Variants in SGCZ observed in about 807,000 individuals in gnomAD.
The protein encoded by SGCZ is zeta-sarcoglycan.
Under a neutral mutation model 41.3 loss-of-function variants are expected in SGCZ, and 40 were observed. The ratio of observed to expected loss-of-function variants is 0.97; its 90% CI spans 0.75 to 1.26. SGCZ has a LOEUF of 1.26. SGCZ is among the 50% of genes most tolerant of loss of function. SGCZ has a pLI of 0.00. For synonymous variants in SGCZ, 206 were observed against 137.5 expected (o/e 1.50, Z -3.49); for missense variants, 552 against 369.8 (o/e 1.49, Z -4.04).
intron 1 of SGCZ, among the ~76,000 whole-genome samples, chr8:15,148,736 G>A (rs899171106): frequency 9.2e-5 from 14 of 152,160 alleles, no homozygotes; most frequent in African/African-American, 2.9e-4. Context: ...CTGGATGCTT[G>A]ACTTATAACT....
chr8:14,750,151 G>C (rs1799454140), intron 1 of SGCZ, among the ~76,000 whole-genome samples: 1 of 152,070 alleles, frequency 6.6e-6, no homozygotes, highest in Non-Finnish European at 1.5e-5. Flanking sequence ...TTGAATTAAG[G>C]TTAAAGGAGA....
At chr8:14,927,401 G>A (rs28546385) in intron 1 of SGCZ, among the ~76,000 whole-genome samples, 18,612 of 151,996 alleles carry the variant, frequency 0.12, 1,304 homozygotes, top group African/African-American at 0.19. Context: ...GAGCCACCGC[G>A]CCCGGCCAAG....
chr8:14,271,032 C>A (rs749059363), intron 3 of SGCZ, among the ~76,000 whole-genome samples: 1 of 152,126 alleles, frequency 6.6e-6, no homozygotes, highest in South Asian at 2.1e-4. Flanking sequence ...GAACATCACA[C>A]CCTGGGGCCT....
At chr8:14,432,232 A>G (rs7009959) in intron 2 of SGCZ, among the ~76,000 whole-genome samples, 2 of 152,124 alleles carry the variant, frequency 1.3e-5, no homozygotes, top group African/African-American at 4.8e-5. Flanking sequence ...TTGCACAGAG[A>G]TGTTTATAGT....
At chr8:15,170,370 A>G (rs475281) in intron 1 of SGCZ, among the ~76,000 whole-genome samples, 129,469 of 151,938 alleles carry the variant, frequency 0.85, 55,173 homozygotes, top group Middle Eastern at 0.87. Flanking sequence ...AGATATAAAA[A>G]AAAAAGGAAA....
intron 1 of SGCZ, among the ~76,000 whole-genome samples, chr8:14,621,583 C>G (rs13257952): frequency 0.44 from 66,683 of 151,914 alleles, 15,039 homozygotes; most frequent in Non-Finnish European, 0.48. Flanking sequence ...ATGACCGGAA[C>G]GCCTCAAGAA....
chr8:15,100,926 T>C (rs1315476180), intron 1 of SGCZ, among the ~76,000 whole-genome samples: 1 of 151,860 alleles, frequency 6.6e-6, no homozygotes, highest in Non-Finnish European at 1.5e-5. Context: ...CAGTGAACCA[T>C]GACTGCATTA....
At chr8:14,911,711 T>C (rs567268641) in intron 1 of SGCZ, among the ~76,000 whole-genome samples, 1 of 152,054 alleles carries the variant, frequency 6.6e-6, no homozygotes, top group African/African-American at 2.4e-5. Context: ...GACCATAAAA[T>C]AGTGCTTGTT....
chr8:14,789,619 A>G (rs1462579928), intron 1 of SGCZ, among the ~76,000 whole-genome samples: 1 of 152,026 alleles, frequency 6.6e-6, no homozygotes, highest in Non-Finnish European at 1.5e-5. Flanking sequence ...TTCTCTCCCT[A>G]TTCAAGTGAG....
chr8:14,179,948 C>G (rs754131542), intron 4 of SGCZ, among the ~76,000 whole-genome samples: 4 of 152,152 alleles, frequency 2.6e-5, no homozygotes, highest in African/African-American at 9.7e-5. Context: ...ATTGGTGAAA[C>G]CGGCCCAAGC....
intron 2 of SGCZ, among the ~76,000 whole-genome samples, chr8:14,369,508 TTTC>T: frequency 6.6e-6 from 1 of 151,974 alleles, no homozygotes; most frequent in Non-Finnish European, 1.5e-5. Context: ...AGGTTAACTT[TTTC>T]ATTCGTAGAA....
intron 1 of SGCZ, among the ~76,000 whole-genome samples, chr8:14,780,974 T>C (rs1800570798): frequency 6.6e-6 from 1 of 152,192 alleles, no homozygotes; most frequent in Admixed American, 6.5e-5. Flanking sequence ...AACCAGGTTG[T>C]TGTCTTGATA....
chr8:14,913,209 A>G (rs543657980), intron 1 of SGCZ, among the ~76,000 whole-genome samples: 1 of 152,224 alleles, frequency 6.6e-6, no homozygotes, highest in South Asian at 2.1e-4. Context: ...TGATATTAAC[A>G]TAACATTCAA....
intron 1 of SGCZ, among the ~76,000 whole-genome samples, chr8:15,191,762 T>C (rs1013564233): frequency 1.3e-5 from 2 of 152,052 alleles, no homozygotes; most frequent in South Asian, 4.1e-4. Context: ...AATACTGATA[T>C]ATTTCAGAAA....
intron 1 of SGCZ, among the ~76,000 whole-genome samples, chr8:15,023,305 C>T (rs1388953882): frequency 6.6e-6 from 1 of 152,080 alleles, no homozygotes; most frequent in African/African-American, 2.4e-5. Context: ...TGGTTTGTGG[C>T]CAGGTTTGGG....
rs188868913 is a variant in SGCZ at position 15,224,123 on chromosome 8, T to A, written c.39+13462A>T. ...TGCCTGCCTTCGCCTCCCAAAGTGCTGGGATAACAGGCGTGAGCCACCATG... is the reference window on the plus strand; with the variant it reads ...TGCCTGCCTTCGCCTCCCAAAGTGCAGGGATAACAGGCGTGAGCCACCATG... On this transcript the variant is annotated intron_variant, in intron 1 of 7. Transcript: ENST00000382080. 1.5e-3 allele frequency among the ~76,000 whole-genome samples: 223 copies of A among 152,296 alleles called. 1 individual carries two copies. The highest frequency in any genetic ancestry group is 2.4e-3 in the Admixed American group (37 of 15,296).
intron 4 of SGCZ, among the ~76,000 whole-genome samples, chr8:14,214,993 T>A (rs1331611382): frequency 6.6e-6 from 1 of 152,094 alleles, no homozygotes; most frequent in Non-Finnish European, 1.5e-5. Flanking sequence ...AGAGAAATAC[T>A]GAAGAATATT....
intron 1 of SGCZ, among the ~76,000 whole-genome samples, chr8:15,005,315 TTTTTTTC>T (rs1563429364): frequency 7.1e-6 from 1 of 139,912 alleles, no homozygotes; most frequent in Admixed American, 7.6e-5. Flanking sequence ...CCCTCCCCCG[TTTTTTTC>T]TTTTTCTTTT....
At chr8:14,462,024 T>G (rs1800915072) in intron 2 of SGCZ, among the ~76,000 whole-genome samples, 1 of 152,096 alleles carries the variant, frequency 6.6e-6, no homozygotes, top group African/African-American at 2.4e-5. Context: ...ATTAATTATT[T>G]AATATATACA....
Sources: allele counts gnomAD v4.1 joint callset (sites outside exome capture counted in the v4.1 genomes callset), GRCh38; gene constraint gnomAD v4.1.1; transcripts MANE v1.5; gene names NCBI Gene and HGNC (gene_info 2026-07-23, HGNC 2026-07-21).